Variants in OR51B5 observed in about 807,000 individuals in gnomAD.
The protein encoded by OR51B5 is olfactory receptor 51B5.
For missense variants in OR51B5, 456 were observed against 374.6 expected, an observed-to-expected ratio of 1.22 and a Z score of -1.79; for synonymous variants, 186 against 144.8, an observed-to-expected ratio of 1.28 and a Z score of -2.04.
intron 1 of OR51B5, among the ~76,000 whole-genome samples, chr11:5,424,961 G>T (rs1287086970): frequency 5.8e-5 from 5 of 85,762 alleles, no homozygotes; most frequent in African/African-American, 1.2e-4. Flanking sequence ...CAGCCTGGGC[G>T]ACAGAGTGAG....
At chr11:5,444,696 T>A (rs944222813) in intron 1 of OR51B5, among the ~76,000 whole-genome samples, 1 of 152,178 alleles carries the variant, frequency 6.6e-6, no homozygotes, top group Admixed American at 6.5e-5. Context: ...CTAAGACTTA[T>A]AAATTTATGA....
chr11:5,358,863 C>T (rs1281166669), intron 1 of OR51B5, among the ~76,000 whole-genome samples: 8 of 151,962 alleles, frequency 5.3e-5, no homozygotes, highest in Non-Finnish European at 1.2e-4. Context: ...AAATGTAATC[C>T]AGCATATAAA....
chr11:5,443,437 C>T lies in OR51B5; in HGVS notation n.84+62132G>A, dbSNP rs544887324. Among the ~76,000 whole-genome samples, 4 of 152,020 alleles carry T rather than the reference C, an allele frequency of 2.6e-5. No homozygotes were observed. The South Asian group carries it at 8.3e-4, about 32-fold the overall frequency. On this transcript the variant is annotated intron_variant and non_coding_transcript_variant, in intron 1 of 4. Coordinates refer to the OR51B5 transcript ENST00000415970. ...CTTATGGGCTACTCTCCTTGCTAAA[C>T]CTCTCTTCCCCTAAACCCACATTTA... is the stretch of plus-strand genomic sequence containing the variant.
chr11:5,343,519 C>A, exon 1 of OR51B5: 1 of 899,384 alleles, frequency 1.1e-6, no homozygotes, highest in Non-Finnish European at 1.8e-6. Flanking sequence ...TGCCGCTGGA[C>A]GACATCCTGG....
At chr11:5,491,920 G>A (rs1851586537) in intron 1 of OR51B5, among the ~76,000 whole-genome samples, 1 of 152,168 alleles carries the variant, frequency 6.6e-6, no homozygotes, top group Admixed American at 6.5e-5. Context: ...GATCCTGCTA[G>A]AGCCTTAAAC....
chr11:5,457,486 T>C (rs1404641692), intron 1 of OR51B5, among the ~76,000 whole-genome samples: 1 of 152,226 alleles, frequency 6.6e-6, no homozygotes, highest in Non-Finnish European at 1.5e-5. Context: ...CCTTTGGGTA[T>C]ATAGTAATAG....
intron 1 of OR51B5, among the ~76,000 whole-genome samples, chr11:5,425,555 T>C (rs1850435302): frequency 6.6e-6 from 1 of 152,198 alleles, no homozygotes; most frequent in Non-Finnish European, 1.5e-5. Context: ...CTTTATGACT[T>C]TAAAACATCA....
At chr11:5,354,673 AG>A (rs35198500) in intron 1 of OR51B5, 1 of 162,396 alleles carries the variant, frequency 6.2e-6, no homozygotes, top group Non-Finnish European at 1.3e-5. Context: ...AGCTCCTCCC[AG>A]GTCCTGGACC....
intron 1 of OR51B5, among the ~76,000 whole-genome samples, chr11:5,423,904 TTC>T (rs1850399919): frequency 6.6e-6 from 1 of 152,180 alleles, no homozygotes; most frequent in Non-Finnish European, 1.5e-5. Context: ...CTCATTTTTT[TTC>T]CGGACCAGAG....
intron 1 of OR51B5, among the ~76,000 whole-genome samples, chr11:5,451,505 T>G (rs7120894): frequency 0.47 from 71,216 of 152,064 alleles, 16,953 homozygotes; most frequent in Non-Finnish European, 0.5. Flanking sequence ...ATATGCAGAC[T>G]GAGCTCTAAG....
rs908312818 is a variant in OR51B5, at chr11:5,349,346, A to G, written n.85-2436T>C. On this transcript the variant is annotated intron_variant and non_coding_transcript_variant, in intron 1 of 4. Coordinates refer to the OR51B5 transcript ENST00000415970. Reference sequence around the variant, plus strand: ...GACACACGGTAGAAATTCAACAATTATTTGTTCCATACATTTGTTTCTCAG... The same window carrying G: ...GACACACGGTAGAAATTCAACAATTGTTTGTTCCATACATTTGTTTCTCAG... 2.0e-5 allele frequency among the ~76,000 whole-genome samples: 3 copies of G among 151,954 alleles called. No individual in the cohort carries two copies. The East Asian group carries it at 5.8e-4, about 29-fold the overall frequency.
intron 1 of OR51B5, among the ~76,000 whole-genome samples, chr11:5,358,831 G>C (rs904083029): frequency 1.3e-5 from 2 of 152,112 alleles, no homozygotes; most frequent in Admixed American, 6.5e-5. Flanking sequence ...ATGCAAGGCT[G>C]GTTCAACATA....
At chr11:5,496,105 C>A (rs1420298661) in intron 1 of OR51B5, among the ~76,000 whole-genome samples, 2 of 151,690 alleles carry the variant, frequency 1.3e-5, no homozygotes, top group African/African-American at 4.8e-5. Flanking sequence ...TAGTGATATT[C>A]AAATGTACCA....
chr11:5,368,024 C>T (rs554562688), intron 1 of OR51B5, among the ~76,000 whole-genome samples: 2 of 152,186 alleles, frequency 1.3e-5, no homozygotes, highest in Non-Finnish European at 2.9e-5. Flanking sequence ...TTATATCTTA[C>T]ACCCCACAAC....
chr11:5,389,949 TG>T, intron 1 of OR51B5: 1 of 1,611,448 alleles, frequency 6.2e-7, no homozygotes, highest in Middle Eastern at 1.6e-4. Context: ...TGTGGATCTG[TG>T]GTCCTCTCCC....
rs1034666342 is a variant in OR51B5 at position 5,384,722 on chromosome 11, T to C, written n.85-37812A>G. Reference sequence around the variant, plus strand: ...TCAACAAATTATTAAATGCATTTTATATGCTGGTCCAGTTAACATAGAAAA... The same window carrying C: ...TCAACAAATTATTAAATGCATTTTACATGCTGGTCCAGTTAACATAGAAAA... On this transcript the variant is annotated intron_variant and non_coding_transcript_variant, in intron 1 of 4. Transcript: ENST00000415970. Among the ~76,000 whole-genome samples the C allele has an allele frequency of 5.9e-5, 9 of 152,350 alleles. No homozygotes were observed. The East Asian group carries it at 1.7e-3, about 29-fold the overall frequency.
intron 1 of OR51B5, among the ~76,000 whole-genome samples, chr11:5,480,542 C>A (rs1403686094): frequency 4.0e-5 from 6 of 150,904 alleles, no homozygotes; most frequent in Admixed American, 2.0e-4. Flanking sequence ...ACACAAAAAA[C>A]CCTTCAAAAA....
chr11:5,439,785 G>A (rs537802949), intron 1 of OR51B5, among the ~76,000 whole-genome samples: 25 of 152,250 alleles, frequency 1.6e-4, no homozygotes, highest in African/African-American at 5.5e-4. Context: ...CCTGAGTGCT[G>A]TCAGAAAAGA....
chr11:5,443,331 G>A (rs1850718620), intron 1 of OR51B5, among the ~76,000 whole-genome samples: 1 of 152,098 alleles, frequency 6.6e-6, no homozygotes, highest in Non-Finnish European at 1.5e-5. Context: ...TAGGTAGTGA[G>A]AAGAGATTCA....
Sources: allele counts gnomAD v4.1 joint callset (sites outside exome capture counted in the v4.1 genomes callset), GRCh38; gene constraint gnomAD v4.1.1; transcripts MANE v1.5; gene names NCBI Gene and HGNC (gene_info 2026-07-23, HGNC 2026-07-21).